AHSG: variants seen among roughly 807,000 people sequenced by gnomAD.
AHSG encodes alpha-2-HS-glycoprotein.
In AHSG, 23 loss-of-function variants were observed where a neutral mutation model predicts 30.1. That is an observed-to-expected ratio of 0.76 (90% confidence interval 0.55 to 1.08). The LOEUF is 1.08. Ranked by LOEUF, AHSG falls within the 50% of genes least tolerant of loss-of-function variation. The probability of loss-of-function intolerance (pLI) is 0.00; values close to 1 mark genes in which losing one functional copy is unlikely to be tolerated. For synonymous variants in AHSG, 164 were observed against 186.3 expected, an observed-to-expected ratio of 0.88 and a Z score of 0.98; for missense variants, 469 against 459.5, an observed-to-expected ratio of 1.02 and a Z score of -0.19.
Position 186,615,809 on chromosome 3 carries a change from T to C in AHSG, c.324+14T>C, listed in dbSNP as rs1560248995. ...CTGAAGGAGCATGTGAGTACCCTTC[T>C]TAGGATGACTGTAGGTGGCCCTTCG... On this transcript the variant is annotated intron_variant, in intron 2 of 6. Coordinates refer to ENST00000411641, the MANE Select transcript of AHSG (RefSeq NM_001622.4). 3 of 1,607,640 alleles carry C rather than the reference T, an allele frequency of 1.9e-6. No individual in the cohort carries two copies. In the Admixed American group the frequency reaches 5.0e-5, roughly 27 times the overall value.
chr3:186,619,139 A>C (rs536938189), intron 5 of AHSG, among the ~76,000 whole-genome samples: 33 of 152,262 alleles, frequency 2.2e-4, no homozygotes, highest in Non-Finnish European at 4.6e-4. Flanking sequence ...TACTAAAAAT[A>C]CAAAAAAATT....
At position 186,618,614 on chromosome 3, in the gene AHSG, A is replaced by T. The variant is rs775790259; in HGVS notation, c.652A>T (p.Lys218Ter). ...TGCTAAAGAGGCCACAGAGGCAGCC[A>T]AGTGTAACCTGCTGGCAGAAAAGGT... ...CVAKEATEAA[K>*]CNLLAEKQYG... is the part of the protein sequence containing the mutation. Residue 218 changes from lysine to a stop codon, truncating the protein, a stop_gained, in exon 5 of 7, where the codon AAG (lysine) becomes TAG (stop). Coordinates refer to ENST00000411641, the MANE Select transcript of AHSG (RefSeq NM_001622.4). LOFTEE classifies it high-confidence loss of function. 2.2e-5 allele frequency: 35 copies of T among 1,613,988 alleles called. No individual in the cohort carries two copies. Among genetic ancestry groups the T allele is most frequent in the South Asian group, 1.1e-5 (1 of 91,086 alleles).
intron 1 of AHSG, among the ~76,000 whole-genome samples, 193 bp from the exon 2 acceptor site, chr3:186,615,492 A>G (rs1020129593): frequency 2.0e-5 from 3 of 152,230 alleles, no homozygotes; most frequent in East Asian, 1.9e-4. Context: ...CGAAGACCAG[A>G]CAAGCCCTGG....
At chr3:186,615,897 C>T (rs1393504281) in intron 2 of AHSG, 102 bp downstream of exon 2, 1 of 1,065,880 alleles carries the variant, frequency 9.4e-7, no homozygotes, top group African/African-American at 1.6e-5. Context: ...GGTGCAGTTT[C>T]TAAAATTGCC....
Position 186,617,220 on chromosome 3 carries a change from A to T in AHSG, c.443A>T (p.Asp148Val), listed in dbSNP as rs1716332179. The T allele has an allele frequency of 3.7e-6, 6 of 1,613,610 alleles. No individual in the cohort carries two copies. In the African/African-American group the frequency reaches 6.7e-5, roughly 18 times the overall value. The change falls in exon 4 of 7, where the codon GAC becomes GTC. Residue 148 changes from aspartate to valine, a missense_variant. Transcript: ENST00000411641. The part of the protein sequence containing the change: ...SAEDVRKVCQ[D>V]CPLLAPLNDT... ...GAGGACGTGCGCAAGGTGTGCCAAG[A>T]CTGCCCCCTGCTGGCCCCGCTGAAC...
At chr3:186,616,600 C>A in intron 3 of AHSG, 73 bp downstream of exon 3, 2 of 1,277,388 alleles carry the variant, frequency 1.6e-6, no homozygotes, top group African/African-American at 1.5e-5. Flanking sequence ...TAATTTTCAA[C>A]TTAAGTAGTT....
rs145054587 is a variant in AHSG, at chr3:186,617,185, A to G, written c.410-2A>G. 5 of 1,608,472 alleles carry G rather than the reference A, an allele frequency of 3.1e-6. No homozygotes were observed. The East Asian group carries it at 8.9e-5, about 29-fold the overall frequency. On this transcript the variant is annotated splice_acceptor_variant, in intron 3 of 6. Transcript: ENST00000411641. LOFTEE classifies it high-confidence loss of function. ...ACATCCTGGTTTCCTCTCTCCGAGCAGACTCAGCCGAGGACGTGCGCAAGG... is the reference window on the plus strand; with the variant it reads ...ACATCCTGGTTTCCTCTCTCCGAGCGGACTCAGCCGAGGACGTGCGCAAGG...
intron 3 of AHSG, 101 bp downstream of exon 3, chr3:186,616,628 G>A (rs556136544): frequency 7.7e-6 from 8 of 1,036,272 alleles, no homozygotes; most frequent in South Asian, 1.6e-5. Flanking sequence ...CTTTGTCGGT[G>A]AGGAAAAGGA....
chr3:186,619,808 G>C (rs762188966), intron 5 of AHSG, 49 bp from the exon 6 acceptor site: 14 of 1,468,088 alleles, frequency 9.5e-6, no homozygotes, highest in African/African-American at 7.1e-5. Context: ...AATTGGGGGG[G>C]ATCCATTTTT....
rs373886640 is a variant in AHSG, at chr3:186,617,245, C to T, written c.468C>T (p.Asn156=). 1.5e-4 allele frequency: 238 copies of T among 1,614,186 alleles called. No individual in the cohort carries two copies. The highest frequency in any genetic ancestry group is 2.0e-4 in the Non-Finnish European group (233 of 1,180,026). The stretch of plus-strand genomic sequence containing the variant: ...ACTGCCCCCTGCTGGCCCCGCTGAA[C>T]GACACCAGGGTGGTGCACGCCGCGA... The part of the protein sequence containing the change: ...CQDCPLLAPL[N]DTRVVHAAKA... Residue 156 remains asparagine, a synonymous_variant, in exon 4 of 7, where the codon AAC becomes AAT. Coordinates refer to ENST00000411641, the MANE Select transcript of AHSG (RefSeq NM_001622.4).
intron 6 of AHSG, 49 bp downstream of exon 6, chr3:186,619,989 C>T: frequency 1.4e-6 from 2 of 1,434,974 alleles, no homozygotes; most frequent in Non-Finnish European, 1.9e-6. Context: ...ATACAATGAC[C>T]CCTTCACATT....
At chr3:186,613,468 T>TGTG in intron 1 of AHSG, 114 bp downstream of exon 1, 1 of 1,022,026 alleles carries the variant, frequency 9.8e-7, no homozygotes, top group Non-Finnish European at 1.4e-6. Flanking sequence ...GTAAATTCTC[T>TGTG]GATTTCTTCC....
In AHSG at chr3:186,620,987, C is replaced by A; in HGVS notation, c.*57C>A. ...ACAGAAAACATAGCCACCATTTTGT[C>A]CAAGCCTGGGCATGGGTGGGGGGCC... On this transcript the variant is annotated 3_prime_UTR_variant, in exon 7 of 7. Transcript: ENST00000411641. 1 of 1,544,362 alleles carries A rather than the reference C, an allele frequency of 6.5e-7. No individual in the cohort carries two copies. Among genetic ancestry groups the A allele is most frequent in the Non-Finnish European group, 8.8e-7 (1 of 1,135,176 alleles).
At position 186,616,445 on chromosome 3, in the gene AHSG, T is replaced by C; in HGVS notation, c.327T>C (p.Ala109=). 6.2e-7 allele frequency: 1 copy of C among 1,612,940 alleles called. No individual in the cohort carries two copies. The change falls in exon 3 of 7, where the codon GCT becomes GCC. Residue 109 remains alanine (A), a splice_region_variant and synonymous_variant. Coordinates refer to ENST00000411641, the MANE Select transcript of AHSG (RefSeq NM_001622.4). ...CTCACGTGGGTTTCTTTCTCCAGGC[T>C]GTCGAAGGAGACTGTGATTTCCAGC... The part of the protein sequence containing the change: ...RCSVRQLKEH[A]VEGDCDFQLL...
At position 186,617,363 on chromosome 3, in the gene AHSG, A is replaced by T; in HGVS notation, c.573+13A>T. The T allele has an allele frequency of 6.2e-7, 1 of 1,614,180 alleles. No homozygotes were observed. Among genetic ancestry groups the T allele is most frequent in the Non-Finnish European group, 8.5e-7 (1 of 1,180,034 alleles). Reference sequence around the variant, plus strand: ...GGCTCAGCTTGTGGTAAAGACTGAGATTCTTTTGACAGGTTGGGCAGTTCG... The same window carrying T: ...GGCTCAGCTTGTGGTAAAGACTGAGTTTCTTTTGACAGGTTGGGCAGTTCG... On this transcript the variant is annotated intron_variant, in intron 4 of 6. Transcript: ENST00000411641.
rs761554634 is a variant in AHSG, at chr3:186,616,505, C to T, written c.387C>T (p.Tyr129=). The part of the protein sequence containing the change: ...LKLDGKFSVV[Y]AKCDSSPDSA... ...TAGATGGCAAGTTTTCCGTGGTATA[C>T]GCAAAATGTGATTCCAGTCCAGGTA... The change falls in exon 3 of 7, where the codon TAC becomes TAT. Residue 129 remains tyrosine (Y), a synonymous_variant. Coordinates refer to ENST00000411641, the MANE Select transcript of AHSG (RefSeq NM_001622.4). 60 of 1,612,090 alleles carry T rather than the reference C, an allele frequency of 3.7e-5. No individual in the cohort carries two copies. Among genetic ancestry groups the T allele is most frequent in the African/African-American group, 1.7e-4 (13 of 74,888 alleles).
rs779633971 is a variant in AHSG, at chr3:186,618,555, A to G, written c.593A>G (p.Tyr198Cys). Reference sequence around the variant, plus strand: ...TCTCAGCCCCTCCCACCTTCTACCTATGTGGAGTTTACAGTGTCTGGCACT... The same window carrying G: ...TCTCAGCCCCTCCCACCTTCTACCTGTGTGGAGTTTACAGTGTCTGGCACT... Reference protein sequence around the residue: ...AQLVPLPPSTYVEFTVSGTDC... With the variant: ...AQLVPLPPSTCVEFTVSGTDC... Residue 198 changes from tyrosine to cysteine, a missense_variant, in exon 5 of 7, where the codon TAT (tyrosine) becomes TGT (cysteine). By Grantham distance (194) the Tyr-to-Cys change is radical (BLOSUM62 -2). Coordinates refer to ENST00000411641, the MANE Select transcript of AHSG (RefSeq NM_001622.4). 5.8e-5 allele frequency: 93 copies of G among 1,613,568 alleles called. No homozygotes were observed. The highest frequency in any genetic ancestry group is 7.3e-5 in the Non-Finnish European group (86 of 1,179,746).
At position 186,613,203 on chromosome 3, in the gene AHSG, A is replaced by G. The variant is rs1716194628; in HGVS notation, c.62A>G (p.His21Arg). ...AQLWGCHSAP[H>R]GPGLIYRQPN... ...CTCTGGGGCTGCCACTCAGCCCCAC[A>G]TGGCCCAGGGCTGATTTATAGACAA... The change falls in exon 1 of 7, where the codon CAT (histidine) becomes CGT (arginine). Residue 21 changes from histidine to arginine, a missense_variant. Transcript: ENST00000411641. 3 of 1,614,032 alleles carry G rather than the reference A, an allele frequency of 1.9e-6. No homozygotes were observed. The highest frequency in any genetic ancestry group is 2.5e-6 in the Non-Finnish European group (3 of 1,179,964).
chr3:186,617,576 T>C (rs929238364), intron 4 of AHSG: 5 of 768,114 alleles, frequency 6.5e-6, no homozygotes, highest in African/African-American at 1.7e-5. Context: ...TGAGCCACTG[T>C]AACGTCCAGC....
Sources: gnomAD v4.1 joint callset for allele counts (sites outside exome capture counted in the v4.1 genomes callset) on GRCh38, gnomAD v4.1.1 for gene constraint, MANE v1.5 for transcripts, NCBI Gene and HGNC (gene_info 2026-07-23, HGNC 2026-07-21) for gene names.